LIMA1: variants seen among roughly 807,000 people sequenced by gnomAD.
LIMA1 encodes the protein LIM domain and actin-binding protein 1.
A neutral mutation model predicts 62.6 loss-of-function variants in LIMA1; 52 were observed. The ratio of observed to expected loss-of-function variants is 0.83; its 90% CI spans 0.67 to 1.05. The LOEUF (loss-of-function observed/expected upper bound fraction) is 1.05. Ranked by LOEUF, LIMA1 falls within the 50% of genes least tolerant of loss-of-function variation. LIMA1 has a pLI of 0.00. For missense variants in LIMA1, 780 were observed against 902.2 expected (o/e 0.86, Z 1.74); for synonymous variants, 302 against 317.8 (o/e 0.95, Z 0.53).
intron 1 of LIMA1, among the ~76,000 whole-genome samples, chr12:50,256,515 A>G (rs1331369723): frequency 6.6e-6 from 1 of 152,182 alleles, no homozygotes; most frequent in Non-Finnish European, 1.5e-5. Flanking sequence ...AAATTCCACC[A>G]GTTTTTTAAT....
rs1263245423 is a variant in LIMA1 at position 50,249,566 on chromosome 12, C to G, written c.-23-792G>C. ...GGAGACAAACCCTATTTTCCAACAT[C>G]CCTTTCAGCCAAAGAATACATAAAG... On this transcript the variant is annotated intron_variant, in intron 1 of 10. Coordinates refer to ENST00000341247, the MANE Select transcript of LIMA1 (RefSeq NM_016357.5). The G allele has an allele frequency of 2.0e-5, 3 of 152,124 alleles. No homozygotes were observed. The South Asian group carries it at 6.2e-4, about 32-fold the overall frequency. The allele number at this position is 152,124 out of a possible 1,614,324, so 9.4% of individuals were successfully genotyped here.
chr12:50,236,300 C>CT (rs112036543), intron 2 of LIMA1, among the ~76,000 whole-genome samples: 7,037 of 120,968 alleles, frequency 0.058, 268 homozygotes, highest in Middle Eastern at 0.12. Context: ...ATTTTTTTTT[C>CT]TTTTTTTTTT....
intron 8 of LIMA1, among the ~76,000 whole-genome samples, chr12:50,194,360 G>A (rs1028050030): frequency 1.3e-5 from 2 of 151,156 alleles, no homozygotes; most frequent in South Asian, 4.2e-4. Flanking sequence ...GCGATGGTGC[G>A]ATCTCAGCTC....
At chr12:50,272,848 C>T in intron 1 of LIMA1, among the ~76,000 whole-genome samples, 1 of 151,476 alleles carries the variant, frequency 6.6e-6, no homozygotes, top group Admixed American at 6.6e-5. Context: ...GAGATCGAGA[C>T]CATCCTGGCT....
chr12:50,213,799 T>C (rs1941298141), intron 4 of LIMA1, among the ~76,000 whole-genome samples: 1 of 152,192 alleles, frequency 6.6e-6, no homozygotes, highest in African/African-American at 2.4e-5. Context: ...ATAGCCAACA[T>C]TGCTTAAAGA....
chr12:50,222,003 A>G lies in LIMA1; in HGVS notation c.630+18T>C, dbSNP rs878875607. ...CTTGAATTGGCTTTCTCAAGTTTCAAACCCGCCCAATTCTTACCTTAGTTT... is the reference window on the plus strand; with the variant it reads ...CTTGAATTGGCTTTCTCAAGTTTCAGACCCGCCCAATTCTTACCTTAGTTT... On this transcript the variant is annotated intron_variant, in intron 4 of 10. Transcript: ENST00000341247. 6.3e-7 allele frequency: 1 copy of G among 1,586,238 alleles called. No individual in the cohort carries two copies.
intron 1 of LIMA1, among the ~76,000 whole-genome samples, chr12:50,258,543 C>T (rs1294486445): frequency 6.6e-6 from 1 of 151,978 alleles, no homozygotes; most frequent in Admixed American, 6.6e-5. Flanking sequence ...GTGATCCTCA[C>T]GCCTCAGCCT....
intron 1 of LIMA1, among the ~76,000 whole-genome samples, chr12:50,258,218 G>T (rs1942022325): frequency 6.6e-6 from 1 of 152,156 alleles, no homozygotes; most frequent in African/African-American, 2.4e-5. Flanking sequence ...TTGCCACTGA[G>T]ATGTCACTGC....
chr12:50,195,957 T>C, intron 7 of LIMA1, 70 bp from the exon 8 acceptor site: 2 of 1,448,922 alleles, frequency 1.4e-6, no homozygotes. Flanking sequence ...AAGAGCAAAC[T>C]GCTGTTAATG....
intron 1 of LIMA1, among the ~76,000 whole-genome samples, chr12:50,253,281 T>G (rs1025085093): frequency 6.6e-6 from 1 of 152,228 alleles, no homozygotes; most frequent in East Asian, 1.9e-4. Context: ...CTTGGAAGAT[T>G]TTAAGACACT....
chr12:50,273,049 C>CAA (rs767351049), intron 1 of LIMA1, among the ~76,000 whole-genome samples: 5 of 112,122 alleles, frequency 4.5e-5, no homozygotes, highest in African/African-American at 6.7e-5. Flanking sequence ...GACTCTGTCT[C>CAA]AAAAAAAAAA....
chr12:50,254,199 T>C (rs928183347), intron 1 of LIMA1, among the ~76,000 whole-genome samples: 1 of 152,100 alleles, frequency 6.6e-6, no homozygotes, highest in South Asian at 2.1e-4. Context: ...TGGAAGACAG[T>C]TGGCTGCAAG....
chr12:50,239,845 C>T (rs1941747922), intron 2 of LIMA1, among the ~76,000 whole-genome samples: 1 of 151,178 alleles, frequency 6.6e-6, no homozygotes, highest in Non-Finnish European at 1.5e-5. Flanking sequence ...AAAAAAATAA[C>T]TAGCAGGGCT....
At chr12:50,204,414 G>GGGTTCATGT in intron 6 of LIMA1, 138 bp downstream of exon 6, 2 of 964,786 alleles carry the variant, frequency 2.1e-6, no homozygotes, top group Non-Finnish European at 2.9e-6. Flanking sequence ...AGCGAGGGTA[G>GGGTTCATGT]GGTTCATGTG....
chr12:50,219,223 C>G (rs1222525497), intron 4 of LIMA1, among the ~76,000 whole-genome samples: 1 of 152,194 alleles, frequency 6.6e-6, no homozygotes, highest in African/African-American at 2.4e-5. Context: ...GTGGCTCATG[C>G]CTGTAATCCC....
At chr12:50,191,889 T>C (rs180741831) in intron 9 of LIMA1, among the ~76,000 whole-genome samples, 1 of 151,098 alleles carries the variant, frequency 6.6e-6, no homozygotes, top group African/African-American at 2.4e-5. Flanking sequence ...TACCCAGCAC[T>C]TTGGGAGGCC....
intron 8 of LIMA1, among the ~76,000 whole-genome samples, chr12:50,194,842 G>A (rs1009864978): frequency 1.3e-5 from 2 of 152,192 alleles, no homozygotes; most frequent in East Asian, 3.9e-4. Flanking sequence ...GAGCTCAGGA[G>A]TTCAAGACCA....
At chr12:50,257,573 C>G (rs192466208) in intron 1 of LIMA1, among the ~76,000 whole-genome samples, 1 of 152,324 alleles carries the variant, frequency 6.6e-6, no homozygotes, top group African/African-American at 2.4e-5. Flanking sequence ...GCTGACCAAT[C>G]GTTACCTCCT....
chr12:50,195,874 T>C lies in LIMA1; in HGVS notation c.986A>G (p.Glu329Gly). 1.3e-6 allele frequency: 2 copies of C among 1,483,644 alleles called. No homozygotes were observed. The highest frequency in any genetic ancestry group is 1.8e-6 in the Non-Finnish European group (2 of 1,096,234). 91.9% of individuals were successfully genotyped at this position (1,483,644 alleles called of 1,614,324 possible). A position where few individuals can be genotyped will look rare whatever the true frequency, so the allele number is the denominator to read the frequency against. Residue 329 changes from glutamate (E) to glycine (G), a missense_variant, in exon 8 of 11, where the codon GAG (glutamate) becomes GGG (glycine). By Grantham distance (98) the Glu-to-Gly change is moderately conservative. Coordinates refer to ENST00000341247, the MANE Select transcript of LIMA1 (RefSeq NM_016357.5). ...HQEGEKISAN[E>G]NSLAVRSTPA... is the part of the protein sequence containing the mutation. ...GGTGGAACGGACTGCCAGGCTATTC[T>C]CATTTGCAGAAATCTACAAAAAAAA...
Sources: allele counts gnomAD v4.1 joint callset (sites outside exome capture counted in the v4.1 genomes callset), GRCh38; gene constraint gnomAD v4.1.1; transcripts MANE v1.5; gene names NCBI Gene and HGNC (gene_info 2026-07-23, HGNC 2026-07-21).